Variants in SENP8 observed in about 807,000 individuals in gnomAD.
SENP8 encodes sentrin-specific protease 8.
Under a neutral mutation model 14.4 loss-of-function variants are expected in SENP8, and 10 were observed. The ratio of observed to expected loss-of-function variants is 0.69; its 90% CI spans 0.43 to 1.18. The LOEUF is 1.18. Among genes scored for constraint, SENP8 ranks in the 50% most tolerant of loss-of-function variants. The pLI, the probability that SENP8 is intolerant of heterozygous loss-of-function variation, is 0.00. For missense variants in SENP8, 202 were observed against 249.4 expected (o/e 0.81, Z 1.28); for synonymous variants, 94 against 95.5 (o/e 0.98, Z 0.09).
chr15:72,129,972 G>C (rs2081257351), intron 1 of SENP8, among the ~76,000 whole-genome samples: 1 of 152,056 alleles, frequency 6.6e-6, no homozygotes, highest in South Asian at 2.1e-4. Context: ...GATCACCTGA[G>C]GTCAGGAGTT....
chr15:72,127,579 G>T (rs1318625779), intron 1 of SENP8, among the ~76,000 whole-genome samples: 3 of 152,270 alleles, frequency 2.0e-5, no homozygotes, highest in Middle Eastern at 3.4e-3. Context: ...TTCATGTAGG[G>T]TTTTGTAAAC....
chr15:72,139,781 T>A lies in SENP8; in HGVS notation c.158T>A (p.Phe53Tyr). Residue 53 changes from phenylalanine to tyrosine, a missense_variant, in exon 2 of 2, where the codon TTC becomes TAC. Phe to Tyr is a conservative substitution (Grantham distance 22, BLOSUM62 3). Coordinates refer to ENST00000340912, the MANE Select transcript of SENP8 (RefSeq NM_145204.4). Reference sequence around the variant, plus strand: ...CATGACTGCTCTGATCACGTCAGTTTCATCAGCCCTGAAGTCACCCAGTTC... The same window carrying A: ...CATGACTGCTCTGATCACGTCAGTTACATCAGCCCTGAAGTCACCCAGTTC... ...QFHDCSDHVS[F>Y]ISPEVTQFIK... is the part of the protein sequence containing the mutation. 1.2e-6 allele frequency: 2 copies of A among 1,614,160 alleles called. No individual in the cohort carries two copies. Among genetic ancestry groups the A allele is most frequent in the Non-Finnish European group, 1.7e-6 (2 of 1,180,018 alleles).
Position 72,142,541 on chromosome 15 carries a change from A to T in SENP8, c.*2279A>T, listed in dbSNP as rs1245060986. 2 of 152,224 alleles carry T rather than the reference A, an allele frequency of 1.3e-5. No individual in the cohort carries two copies. Among genetic ancestry groups the T allele is most frequent in the African/African-American group, 2.4e-5 (1 of 41,460 alleles). The allele number at this position is 152,224 out of a possible 1,614,324, so 9.4% of individuals were successfully genotyped here. A position where few individuals can be genotyped will look rare whatever the true frequency, so the allele number is the denominator to read the frequency against. The stretch of plus-strand genomic sequence containing the variant: ...ACTGGGCTAAGCAATTATCAAACTG[A>T]ACTAACCTGCTTTCAGATATCCTGT... On this transcript the variant is annotated 3_prime_UTR_variant, in exon 2 of 2. Coordinates refer to ENST00000340912, the MANE Select transcript of SENP8 (RefSeq NM_145204.4).
chr15:72,114,545 T>C (rs1393709150), upstream of SENP8: 1 of 152,092 alleles, frequency 6.6e-6, no homozygotes, highest in African/African-American at 2.4e-5. Flanking sequence ...TTAATCAAGG[T>C]AGGAAATCGG....
chr15:72,139,324 G>A (rs572825567), intron 1 of SENP8: 10 of 318,556 alleles, frequency 3.1e-5, no homozygotes, highest in East Asian at 1.1e-4. Flanking sequence ...GAAATGGATC[G>A]TCATAAAGGT....
At chr15:72,121,881 G>C (rs2081171312) in intron 1 of SENP8, among the ~76,000 whole-genome samples, 1 of 152,180 alleles carries the variant, frequency 6.6e-6, no homozygotes, top group Non-Finnish European at 1.5e-5. Context: ...TGGTCAAGAG[G>C]CTAGCCCAGT....
At chr15:72,124,613 G>T (rs1389992942) in intron 1 of SENP8, among the ~76,000 whole-genome samples, 2 of 152,134 alleles carry the variant, frequency 1.3e-5, no homozygotes, top group Non-Finnish European at 2.9e-5. Flanking sequence ...GAACATTTAT[G>T]GAAAAGAGAT....
intron 1 of SENP8, among the ~76,000 whole-genome samples, chr15:72,128,441 G>C (rs1244238566): frequency 2.6e-5 from 4 of 152,186 alleles, no homozygotes; most frequent in Non-Finnish European, 5.9e-5. Context: ...GTAATTATTA[G>C]ACTGTTCCCC....
At chr15:72,126,219 A>G (rs1360722475) in intron 1 of SENP8, among the ~76,000 whole-genome samples, 1 of 152,138 alleles carries the variant, frequency 6.6e-6, no homozygotes, top group Non-Finnish European at 1.5e-5. Context: ...GTGGCTATTT[A>G]AATTTTAGTT....
chr15:72,124,683 A>G (rs2081199531), intron 1 of SENP8, among the ~76,000 whole-genome samples: 1 of 152,210 alleles, frequency 6.6e-6, no homozygotes, highest in African/African-American at 2.4e-5. Context: ...AAAAATGGAA[A>G]TATTTTATGT....
intron 1 of SENP8, among the ~76,000 whole-genome samples, chr15:72,137,574 C>T (rs184655062): frequency 6.6e-6 from 1 of 152,166 alleles, no homozygotes; most frequent in Non-Finnish European, 1.5e-5. Flanking sequence ...GTATTAGTCT[C>T]ATGATTCTCT....
At position 72,130,177 on chromosome 15, in the gene SENP8, C is replaced by T. The variant is rs79527799; in HGVS notation, c.-47-9400C>T. Among the ~76,000 whole-genome samples, 26 of 152,004 alleles carry T rather than the reference C, an allele frequency of 1.7e-4. No individual in the cohort carries two copies. The East Asian group carries it at 4.1e-3, about 24-fold the overall frequency. The stretch of plus-strand genomic sequence containing the variant: ...TGCACTCCAGCCTGAGCAAGAAGAG[C>T]GAAATGCCATCTCAAAAGAAAAAAG... On this transcript the variant is annotated intron_variant, in intron 1 of 1. Transcript: ENST00000340912.
At chr15:72,122,660 C>A (rs1037283855) in intron 1 of SENP8, among the ~76,000 whole-genome samples, 2 of 152,116 alleles carry the variant, frequency 1.3e-5, no homozygotes, top group African/African-American at 2.4e-5. Flanking sequence ...TAATTGGAGG[C>A]CATTTGGGTG....
chr15:72,124,607 A>G (rs1266273454), intron 1 of SENP8, among the ~76,000 whole-genome samples: 1 of 152,230 alleles, frequency 6.6e-6, no homozygotes, highest in African/African-American at 2.4e-5. Flanking sequence ...GTGTTTGAAC[A>G]TTTATGGAAA....
chr15:72,139,518 A>G, intron 1 of SENP8, 59 bp from the exon 2 acceptor site: 1 of 1,439,472 alleles, frequency 6.9e-7, no homozygotes, highest in Non-Finnish European at 9.4e-7. Context: ...AAAAGTAACT[A>G]CTATTTTCCA....
intron 1 of SENP8, among the ~76,000 whole-genome samples, chr15:72,136,779 T>G (rs2081331536): frequency 6.6e-6 from 1 of 152,216 alleles, no homozygotes; most frequent in Non-Finnish European, 1.5e-5. Flanking sequence ...ATTACTATTT[T>G]CTTATAATAT....
chr15:72,140,109 CTG>C lies in SENP8; in HGVS notation c.489_490del (p.Cys163TrpfsTer7). 1 of 1,614,138 alleles carries C rather than the reference CTG, an allele frequency of 6.2e-7. No homozygotes were observed. Among genetic ancestry groups the C allele is most frequent in the Non-Finnish European group, 8.5e-7 (1 of 1,180,034 alleles). ...KAPAQQNSYD[C>X]GMYVICNTEA... ...CCCCTGCCCAACAAAACAGCTATGA[CTG>C]TGGGATGTACGTGATATGTAACACT... On this transcript the variant is annotated frameshift_variant, in exon 2 of 2. Coordinates refer to ENST00000340912, the MANE Select transcript of SENP8 (RefSeq NM_145204.4). LOFTEE classifies it high-confidence loss of function.
rs112289799 is a variant in SENP8 at position 72,139,733 on chromosome 15, A to G, written c.110A>G (p.Glu37Gly). 4 of 1,614,172 alleles carry G rather than the reference A, an allele frequency of 2.5e-6. No individual in the cohort carries two copies. The highest frequency in any genetic ancestry group is 3.4e-6 in the Non-Finnish European group (4 of 1,180,024). ...LNDHIIGFAF[E>G]YFANSQFHDC... is the part of the protein sequence containing the mutation. ...GACCATATTATTGGGTTTGCGTTTGAGTACTTTGCCAACAGTCAGTTTCAT... is the reference window on the plus strand; with the variant it reads ...GACCATATTATTGGGTTTGCGTTTGGGTACTTTGCCAACAGTCAGTTTCAT... Residue 37 changes from glutamate to glycine, a missense_variant, in exon 2 of 2, where the codon GAG becomes GGG. By Grantham distance (98) the Glu-to-Gly change is moderately conservative. Coordinates refer to ENST00000340912, the MANE Select transcript of SENP8 (RefSeq NM_145204.4).
At position 72,141,899 on chromosome 15, in the gene SENP8, T is replaced by G. The variant is rs2081383201; in HGVS notation, c.*1637T>G. 1 of 152,162 alleles carries G rather than the reference T, an allele frequency of 6.6e-6. No homozygotes were observed. Among genetic ancestry groups the G allele is most frequent in the Admixed American group, 6.6e-5 (1 of 15,266 alleles). 9.4% of individuals were successfully genotyped at this position (152,162 alleles called of 1,614,324 possible). ...GATAGGCCACAAGTGTAGATAAAGATAAGAAAACAATGTTATTTCAGTGAC... is the reference window on the plus strand; with the variant it reads ...GATAGGCCACAAGTGTAGATAAAGAGAAGAAAACAATGTTATTTCAGTGAC... On this transcript the variant is annotated 3_prime_UTR_variant, in exon 2 of 2. Transcript: ENST00000340912.
Sources: gnomAD v4.1 joint callset for allele counts (sites outside exome capture counted in the v4.1 genomes callset) on GRCh38, gnomAD v4.1.1 for gene constraint, MANE v1.5 for transcripts, NCBI Gene and HGNC (gene_info 2026-07-23, HGNC 2026-07-21) for gene names.